Variants in PIK3C2G observed in about 807,000 individuals in gnomAD.
The protein encoded by PIK3C2G is phosphatidylinositol 3-kinase C2 domain-containing subunit gamma.
PIK3C2G carries 168 observed loss-of-function variants against 181.1 expected under a neutral mutation model. The ratio of observed to expected loss-of-function variants is 0.93; its 90% confidence interval spans 0.82 to 1.05. The LOEUF is 1.05. Among genes scored for constraint, PIK3C2G ranks in the 50% least tolerant of loss-of-function variants. The pLI is 0.00. For missense variants in PIK3C2G, 1,869 were observed against 1,732.8 expected (o/e 1.08, Z -1.40); for synonymous variants, 573 against 592.2 (o/e 0.97, Z 0.47).
intron 16 of PIK3C2G, among the ~76,000 whole-genome samples, chr12:18,409,867 C>T (rs991493388): frequency 6.6e-6 from 1 of 152,064 alleles, no homozygotes; most frequent in African/African-American, 2.4e-5. Flanking sequence ...AACTTACAAC[C>T]ATGGTGGAAG....
chr12:18,537,372 C>G (rs1272701785), intron 24 of PIK3C2G, among the ~76,000 whole-genome samples: 1 of 151,972 alleles, frequency 6.6e-6, no homozygotes, highest in Non-Finnish European at 1.5e-5. Flanking sequence ...GTGGTAATTC[C>G]TCCAACAGGG....
chr12:18,496,383 TA>T (rs1259872594), intron 21 of PIK3C2G, among the ~76,000 whole-genome samples: 1 of 152,132 alleles, frequency 6.6e-6, no homozygotes, highest in Admixed American at 6.6e-5. Context: ...GTGCAAAACC[TA>T]AGAGAATATA....
chr12:18,535,888 C>T (rs1943825652), intron 24 of PIK3C2G, among the ~76,000 whole-genome samples: 1 of 151,998 alleles, frequency 6.6e-6, no homozygotes, highest in Non-Finnish European at 1.5e-5. Context: ...TGTTCTCACT[C>T]ACAGGTGGGA....
At chr12:18,297,518 T>C (rs755730513) in intron 5 of PIK3C2G, among the ~76,000 whole-genome samples, 2 of 152,086 alleles carry the variant, frequency 1.3e-5, no homozygotes, top group Non-Finnish European at 2.9e-5. Context: ...AGAACATTTG[T>C]CATTTCTTTG....
At chr12:18,292,701 T>C (rs1160050134) in intron 4 of PIK3C2G, among the ~76,000 whole-genome samples, 1 of 152,196 alleles carries the variant, frequency 6.6e-6, no homozygotes, top group Non-Finnish European at 1.5e-5. Flanking sequence ...CATGTCTACA[T>C]TTTGAGTTCC....
upstream of PIK3C2G, among the ~76,000 whole-genome samples, chr12:18,245,646 T>C (rs138387554): frequency 3.9e-5 from 6 of 152,182 alleles, no homozygotes; most frequent in East Asian, 1.2e-3. Context: ...ATTTTTAAGG[T>C]TGCTAGTCGT....
chr12:18,638,906 G>A (rs925805158), intron 31 of PIK3C2G, among the ~76,000 whole-genome samples: 5 of 136,424 alleles, frequency 3.7e-5, no homozygotes, highest in African/African-American at 1.4e-4. Context: ...ATAAGACAGA[G>A]AGTTAAACAG....
intron 24 of PIK3C2G, among the ~76,000 whole-genome samples, chr12:18,525,071 A>G (rs1480983475): frequency 2.0e-5 from 3 of 151,942 alleles, no homozygotes; most frequent in Non-Finnish European, 4.4e-5. Flanking sequence ...AAAATTATCT[A>G]AGTTTATTTT....
At chr12:18,273,472 A>G (rs1020337607) in intron 1 of PIK3C2G, among the ~76,000 whole-genome samples, 17 of 152,188 alleles carry the variant, frequency 1.1e-4, no homozygotes, top group Non-Finnish European at 2.4e-4. Flanking sequence ...TTTTGGTTCC[A>G]TATGAACTTT....
intron 30 of PIK3C2G, among the ~76,000 whole-genome samples, chr12:18,598,346 A>G (rs998612054): frequency 1.3e-5 from 2 of 151,878 alleles, no homozygotes; most frequent in Admixed American, 1.3e-4. Flanking sequence ...AAAACGCCGC[A>G]TATCTACAAC....
intron 5 of PIK3C2G, among the ~76,000 whole-genome samples, chr12:18,303,100 C>T (rs199776537): frequency 1.3e-5 from 1 of 75,120 alleles, no homozygotes; most frequent in East Asian, 7.4e-4. Context: ...TCTTTTCTTT[C>T]TCTTTCTTTC....
At chr12:18,287,837 G>T (rs1314406032) in intron 3 of PIK3C2G, among the ~76,000 whole-genome samples, 1 of 149,578 alleles carries the variant, frequency 6.7e-6, no homozygotes, top group African/African-American at 2.5e-5. Flanking sequence ...CTCCAGCCTG[G>T]GCGACAGAAT....
chr12:18,724,127 T>C, the PIK3C2G span, among the ~76,000 whole-genome samples: 1 of 152,110 alleles, frequency 6.6e-6, no homozygotes, highest in Admixed American at 6.6e-5. Context: ...TGGGAGTTTC[T>C]GAATAGGAAA....
chr12:18,320,372 A>G (rs1305526943), intron 6 of PIK3C2G, among the ~76,000 whole-genome samples: 2 of 152,248 alleles, frequency 1.3e-5, no homozygotes, highest in Admixed American at 1.3e-4. Flanking sequence ...GGCCATAGGC[A>G]TGATATTTTA....
chr12:18,692,151 G>A, the PIK3C2G span, among the ~76,000 whole-genome samples: 6 of 152,138 alleles, frequency 3.9e-5, no homozygotes, highest in Non-Finnish European at 8.8e-5. Flanking sequence ...TCAGCAGCTG[G>A]CAGAGCTTCA....
intron 5 of PIK3C2G, among the ~76,000 whole-genome samples, chr12:18,306,653 G>C (rs1179119769): frequency 6.6e-6 from 1 of 152,018 alleles, no homozygotes; most frequent in Non-Finnish European, 1.5e-5. Context: ...CATGTGCCAA[G>C]TGTGCACATA....
chr12:18,588,750 C>A (rs1946918537), intron 29 of PIK3C2G, among the ~76,000 whole-genome samples: 2 of 151,920 alleles, frequency 1.3e-5, no homozygotes, highest in South Asian at 2.1e-4. Flanking sequence ...GGATATCTAC[C>A]CAAAGAAATA....
At chr12:18,365,753 C>G (rs1421181028) in intron 12 of PIK3C2G, among the ~76,000 whole-genome samples, 1 of 152,172 alleles carries the variant, frequency 6.6e-6, no homozygotes, top group African/African-American at 2.4e-5. Flanking sequence ...ATTTATATCA[C>G]TAACCCAGCC....
chr12:18,516,451 G>C (rs1413906209), intron 24 of PIK3C2G, among the ~76,000 whole-genome samples: 5 of 151,726 alleles, frequency 3.3e-5, no homozygotes, highest in Admixed American at 1.3e-4. Flanking sequence ...ATGTGTCTTG[G>C]GGAATTTCTC....
Sources: allele counts gnomAD v4.1 joint callset (sites outside exome capture counted in the v4.1 genomes callset), GRCh38; gene constraint gnomAD v4.1.1; transcripts MANE v1.5; gene names NCBI Gene and HGNC (gene_info 2026-07-23, HGNC 2026-07-21).